PPM1L: variants seen among roughly 807,000 people sequenced by gnomAD.
PPM1L encodes protein phosphatase, Mg2+/Mn2+ dependent 1L.
Under a neutral mutation model 31.4 loss-of-function variants are expected in PPM1L, and 13 were observed. The observed-to-expected ratio is 0.41, with a 90% CI of 0.27 to 0.66. The LOEUF (loss-of-function observed/expected upper bound fraction) is 0.66, where lower values mean the gene tolerates loss of function less well. Ranked by LOEUF, PPM1L falls within the 30% of genes least tolerant of loss-of-function variation. The pLI, the probability that PPM1L is intolerant of heterozygous loss-of-function variation, is 0.29. For synonymous variants in PPM1L, 184 were observed against 175.4 expected (o/e 1.05, Z -0.39); for missense variants, 326 against 453.7 (o/e 0.72, Z 2.56).
intron 2 of PPM1L, among the ~76,000 whole-genome samples, chr3:161,015,719 A>C (rs1207313273): frequency 2.0e-5 from 3 of 152,168 alleles, no homozygotes; most frequent in Non-Finnish European, 4.4e-5. Flanking sequence ...TCAGTTTACT[A>C]AGCTAGCTGT....
chr3:160,971,424 T>A (rs1273093866), intron 2 of PPM1L, among the ~76,000 whole-genome samples: 1 of 152,182 alleles, frequency 6.6e-6, no homozygotes, highest in African/African-American at 2.4e-5. Flanking sequence ...TAACTCCAGG[T>A]GCACAGTGTG....
intron 1 of PPM1L, among the ~76,000 whole-genome samples, chr3:160,866,685 A>G (rs561282399): frequency 6.6e-6 from 1 of 152,206 alleles, no homozygotes; most frequent in Admixed American, 6.5e-5. Context: ...ATGGTAAACC[A>G]TCTCTCCTAA....
chr3:160,761,682 C>T (rs368428912), intron 1 of PPM1L, among the ~76,000 whole-genome samples: 24 of 152,244 alleles, frequency 1.6e-4, no homozygotes, highest in East Asian at 1.2e-3. Flanking sequence ...TGTATTAGCC[C>T]GTTTTCATGC....
chr3:160,903,216 G>GTGTATGTT (rs1560145233), intron 1 of PPM1L, among the ~76,000 whole-genome samples: 1 of 126,304 alleles, frequency 7.9e-6, no homozygotes, highest in East Asian at 2.7e-4. Context: ...GTTTGTGTGT[G>GTGTATGTT]TGTGTGTGTG....
intron 2 of PPM1L, among the ~76,000 whole-genome samples, chr3:161,040,830 C>T (rs1380907849): frequency 6.6e-6 from 1 of 152,152 alleles, no homozygotes; most frequent in Non-Finnish European, 1.5e-5. Flanking sequence ...TCTGGCATAA[C>T]ATTACAAGAC....
rs1719047513 is a variant in PPM1L, at chr3:161,045,910, G to C, written c.575-19493G>C. Among the ~76,000 whole-genome samples, 2 of 151,872 alleles carry C rather than the reference G, an allele frequency of 1.3e-5. 1 individual carries two copies. Among genetic ancestry groups the C allele is most frequent in the African/African-American group, 4.8e-5 (2 of 41,310 alleles). ...GTGGATCACGAGGTCAGGAGATCGA[G>C]ACCGTCCTGGCTAACACAGTGAAAC... On this transcript the variant is annotated intron_variant, in intron 2 of 3. Coordinates refer to ENST00000498165, the MANE Select transcript of PPM1L (RefSeq NM_139245.4).
At chr3:160,809,168 AT>A (rs894669699) in intron 1 of PPM1L, among the ~76,000 whole-genome samples, 10 of 151,276 alleles carry the variant, frequency 6.6e-5, no homozygotes, top group Non-Finnish European at 1.0e-4. Context: ...GGCAAAATAT[AT>A]TTTTTTTTCT....
At chr3:161,050,735 A>C (rs1428847966) in intron 2 of PPM1L, among the ~76,000 whole-genome samples, 1 of 152,154 alleles carries the variant, frequency 6.6e-6, no homozygotes, top group African/African-American at 2.4e-5. Flanking sequence ...TGGATAGTTA[A>C]TAATGCATTT....
chr3:161,017,721 A>G (rs1009460058), intron 2 of PPM1L, among the ~76,000 whole-genome samples: 3 of 152,158 alleles, frequency 2.0e-5, no homozygotes, highest in Non-Finnish European at 2.9e-5. Context: ...CTGTTTTTAT[A>G]AGAATAAATC....
At chr3:160,840,332 C>T (rs947149946) in intron 1 of PPM1L, among the ~76,000 whole-genome samples, 2 of 152,096 alleles carry the variant, frequency 1.3e-5, no homozygotes, top group Non-Finnish European at 2.9e-5. Context: ...ATAAGACCTA[C>T]CAGAGAGTTC....
chr3:161,069,334 T>C lies in PPM1L; in HGVS notation c.*177T>C, dbSNP rs1719841115. 1.7e-6 allele frequency: 1 copy of C among 593,046 alleles called. No individual in the cohort carries two copies. Among genetic ancestry groups the C allele is most frequent in the South Asian group, 2.2e-5 (1 of 45,252 alleles). The allele number at this position is 593,046 out of a possible 1,614,324, so 36.7% of individuals were successfully genotyped here. ...ACGAACAGAGGGTGCCCTTGGCCAATGTAGTTAAGAAACTGGAAAATGGTT... is the reference window on the plus strand; with the variant it reads ...ACGAACAGAGGGTGCCCTTGGCCAACGTAGTTAAGAAACTGGAAAATGGTT... On this transcript the variant is annotated 3_prime_UTR_variant, in exon 4 of 4. Transcript: ENST00000498165.
intron 2 of PPM1L, among the ~76,000 whole-genome samples, chr3:160,973,741 T>C (rs903120441): frequency 6.9e-5 from 10 of 145,826 alleles, no homozygotes; most frequent in African/African-American, 2.0e-4. Flanking sequence ...ATTCATCTGG[T>C]AAATTGCCTT....
intron 2 of PPM1L, among the ~76,000 whole-genome samples, chr3:161,003,906 C>G (rs914712727): frequency 2.2e-4 from 33 of 150,666 alleles, no homozygotes; most frequent in Admixed American, 8.6e-4. Context: ...GAGGGCATCC[C>G]TGTCTTGTGC....
Position 160,920,611 on chromosome 3 carries a change from TCTCTCACA to T in PPM1L, c.400-41123_400-41116del, listed in dbSNP as rs1470268179. Among the ~76,000 whole-genome samples the T allele has an allele frequency of 8.4e-5, 3 of 35,510 alleles. No individual in the cohort carries two copies. The Admixed American group carries it at 8.6e-4, about 10-fold the overall frequency. 23.3% of individuals were successfully genotyped at this position (35,510 alleles called of 152,430 possible). On this transcript the variant is annotated intron_variant, in intron 1 of 3. Coordinates refer to ENST00000498165, the MANE Select transcript of PPM1L (RefSeq NM_139245.4). ...TTCTCTCTCTCTCTCTCTCTCTCTC[TCTCTCACA>T]CACACACACACACACACACTCACAC...
intron 1 of PPM1L, among the ~76,000 whole-genome samples, chr3:160,793,380 A>G (rs922961064): frequency 7.9e-5 from 12 of 152,210 alleles, no homozygotes; most frequent in African/African-American, 2.9e-4. Context: ...ATACAGAGAC[A>G]GAGTTCACTG....
At chr3:160,816,246 CAA>C (rs781015039) in intron 1 of PPM1L, among the ~76,000 whole-genome samples, 38 of 147,230 alleles carry the variant, frequency 2.6e-4, no homozygotes, top group Admixed American at 4.1e-4. Flanking sequence ...CATTTGCAAT[CAA>C]GAGCAGTTTC....
Position 160,756,506 on chromosome 3 carries a change from C to G in PPM1L, c.198C>G (p.Ile66Met), listed in dbSNP as rs780094386. ...TGGTGAAGGGCAAGGTAGCCGAGAT[C>G]ATGCAGAACGATCGACTCGGGGGGC... ...VKMVKGKVAE[I>M]MQNDRLGGLD... Residue 66 changes from isoleucine to methionine, a missense_variant, in exon 1 of 4, where the codon ATC (isoleucine) becomes ATG (methionine). Ile to Met is a conservative substitution (Grantham distance 10). Around this residue, in one of 3 missense-constraint regions of PPM1L, gnomAD observed 83 missense variants for 79.4 expected, o/e 1.04. Coordinates refer to ENST00000498165, the MANE Select transcript of PPM1L (RefSeq NM_139245.4). This position sits in a 1 kb window ranked among gnomAD's most constrained non-coding sequence, Gnocchi z 6.2. 2.7e-5 allele frequency: 44 copies of G among 1,614,062 alleles called. No individual in the cohort carries two copies. Among genetic ancestry groups the G allele is most frequent in the Admixed American group, 1.5e-4 (9 of 60,010 alleles).
chr3:160,875,482 A>G (rs7616778), intron 1 of PPM1L, among the ~76,000 whole-genome samples: 2,740 of 152,284 alleles, frequency 0.018, 76 homozygotes, highest in African/African-American at 0.06. Flanking sequence ...CATTCCTTCT[A>G]TTAGGATCCT....
chr3:160,959,522 C>T (rs1576743943), intron 1 of PPM1L, among the ~76,000 whole-genome samples: 1 of 152,048 alleles, frequency 6.6e-6, no homozygotes. Context: ...GGAAACAATA[C>T]AAAAATGTGG....
Sources: gnomAD v4.1 joint callset for allele counts (sites outside exome capture counted in the v4.1 genomes callset) on GRCh38, gnomAD v4.1.1 for gene constraint, gnomAD v4.1.1 regional missense constraint, Gnocchi (gnomAD v3.1) non-coding constraint, MANE v1.5 for transcripts, NCBI Gene and HGNC (gene_info 2026-07-23, HGNC 2026-07-21) for gene names.